PRDM11: variants seen among roughly 807,000 people sequenced by gnomAD.
PRDM11 encodes PR domain-containing protein 11.
In PRDM11, 20 loss-of-function variants were observed where a neutral mutation model predicts 97.8. The ratio of observed to expected loss-of-function variants is 0.20; its 90% CI spans 0.14 to 0.30. The LOEUF (loss-of-function observed/expected upper bound fraction) is 0.30, where lower values mean the gene tolerates loss of function less well. Ranked by LOEUF, PRDM11 falls within the 10% of genes least tolerant of loss-of-function variation. The probability of loss-of-function intolerance (pLI) is 1.00; values close to 1 mark genes in which losing one functional copy is unlikely to be tolerated. For synonymous variants in PRDM11, 599 were observed against 637.7 expected (o/e 0.94, Z 0.91); for missense variants, 1,139 against 1,555.2 (o/e 0.73, Z 4.50).
At chr11:45,217,811 C>T (rs1222930097) in intron 5 of PRDM11, among the ~76,000 whole-genome samples, 1 of 152,160 alleles carries the variant, frequency 6.6e-6, no homozygotes, top group East Asian at 1.9e-4. Context: ...AATTGGCATT[C>T]GTATATTTCT....
At chr11:45,110,275 G>A (rs1852144364) in intron 1 of PRDM11, among the ~76,000 whole-genome samples, 1 of 151,922 alleles carries the variant, frequency 6.6e-6, no homozygotes, top group African/African-American at 2.4e-5. Flanking sequence ...CTAAGCTTCG[G>A]AGCCAGAAAA....
chr11:45,130,926 C>T (rs1034868584), intron 1 of PRDM11, among the ~76,000 whole-genome samples: 3 of 152,022 alleles, frequency 2.0e-5, no homozygotes, highest in South Asian at 2.1e-4. Context: ...CATTAGAGTA[C>T]ACATGTCCAT....
At position 45,204,692 on chromosome 11, in the gene PRDM11, C is replaced by T. The variant is rs1291562103; in HGVS notation, c.487-19C>T. The T allele has an allele frequency of 6.2e-7, 1 of 1,604,940 alleles. No individual in the cohort carries two copies. Among genetic ancestry groups the T allele is most frequent in the Admixed American group, 1.7e-5 (1 of 60,018 alleles). On this transcript the variant is annotated intron_variant, in intron 4 of 7. Coordinates refer to ENST00000683152, the MANE Select transcript of PRDM11 (RefSeq NM_001384648.1). ...CCCCTCTAGAATGGCCCATCCTAGA[C>T]TCTTTCTCTTTCTTCCAGATTGTGG...
At chr11:45,097,206 T>G (rs1412097171) in intron 1 of PRDM11, among the ~76,000 whole-genome samples, 1 of 152,184 alleles carries the variant, frequency 6.6e-6, no homozygotes, top group Non-Finnish European at 1.5e-5. Context: ...GTTTGAAGAT[T>G]CCCCTGCTCT....
chr11:45,126,188 G>C (rs920252255), intron 1 of PRDM11, among the ~76,000 whole-genome samples: 1 of 151,966 alleles, frequency 6.6e-6, no homozygotes, highest in Admixed American at 6.6e-5. Flanking sequence ...CCATTTGCTT[G>C]GTAGATCTTC....
chr11:45,101,567 A>AAAAAAAAAGAAGAAGAAG (rs767802218), intron 1 of PRDM11, among the ~76,000 whole-genome samples: 11 of 96,832 alleles, frequency 1.1e-4, no homozygotes, highest in Non-Finnish European at 1.7e-4. Flanking sequence ...AAAAAAAAAA[A>AAAAAAAAAGAAGAAGAAG]AAGAAGAAGA....
chr11:45,187,775 G>A (rs1274102557), intron 4 of PRDM11, among the ~76,000 whole-genome samples: 1 of 151,172 alleles, frequency 6.6e-6, no homozygotes. Flanking sequence ...GCCACCAGAT[G>A]CTTAAAGTGG....
At chr11:45,135,162 A>T (rs1852814678) in intron 1 of PRDM11, among the ~76,000 whole-genome samples, 1 of 152,010 alleles carries the variant, frequency 6.6e-6, no homozygotes, top group Non-Finnish European at 1.5e-5. Context: ...CTACTAAAAT[A>T]GGAATAAAAG....
At chr11:45,118,793 A>G (rs1401857636) in intron 1 of PRDM11, among the ~76,000 whole-genome samples, 2 of 152,256 alleles carry the variant, frequency 1.3e-5, no homozygotes, top group Non-Finnish European at 2.9e-5. Context: ...AATCAGCAAT[A>G]AGACATGAAT....
chr11:45,210,916 C>A (rs991568452), intron 5 of PRDM11, among the ~76,000 whole-genome samples: 13 of 152,154 alleles, frequency 8.5e-5, no homozygotes, highest in African/African-American at 3.1e-4. Flanking sequence ...AAAGCCTGTT[C>A]CCTGCATCCT....
chr11:45,175,123 A>G (rs954641984), intron 1 of PRDM11, among the ~76,000 whole-genome samples: 4 of 152,266 alleles, frequency 2.6e-5, no homozygotes, highest in African/African-American at 7.2e-5. Context: ...CAATTGATCA[A>G]CCTCCATTGA....
intron 1 of PRDM11, among the ~76,000 whole-genome samples, chr11:45,163,707 T>C (rs1851989023): frequency 6.6e-6 from 1 of 152,258 alleles, no homozygotes; most frequent in Non-Finnish European, 1.5e-5. Flanking sequence ...TGCACCACCC[T>C]GTAAAGTGAG....
intron 6 of PRDM11, among the ~76,000 whole-genome samples, chr11:45,222,547 G>T (rs1047786851): frequency 6.6e-6 from 1 of 152,196 alleles, no homozygotes; most frequent in Non-Finnish European, 1.5e-5. Context: ...TGATATAGAA[G>T]TGCAGGCTGT....
At chr11:45,169,909 C>T (rs996589520) in intron 1 of PRDM11, among the ~76,000 whole-genome samples, 1 of 152,170 alleles carries the variant, frequency 6.6e-6, no homozygotes, top group African/African-American at 2.4e-5. Flanking sequence ...CTATCTTGCA[C>T]CAGGCACTGC....
chr11:45,134,865 T>G (rs1302932438), intron 1 of PRDM11, among the ~76,000 whole-genome samples: 1 of 152,136 alleles, frequency 6.6e-6, no homozygotes, highest in Non-Finnish European at 1.5e-5. Flanking sequence ...ACTTAATAAT[T>G]ATCAAATCCT....
chr11:45,124,743 G>A (rs1179315002), intron 1 of PRDM11, among the ~76,000 whole-genome samples: 1 of 152,196 alleles, frequency 6.6e-6, no homozygotes, highest in Non-Finnish European at 1.5e-5. Context: ...CAGTTTGCCA[G>A]TATTTTATTG....
chr11:45,163,302 A>G (rs1851975438), intron 1 of PRDM11, among the ~76,000 whole-genome samples: 1 of 152,206 alleles, frequency 6.6e-6, no homozygotes, highest in African/African-American at 2.4e-5. Flanking sequence ...ATTTAAATGC[A>G]CACATTTTTC....
intron 1 of PRDM11, among the ~76,000 whole-genome samples, chr11:45,177,838 T>C (rs1301450510): frequency 1.3e-5 from 2 of 152,160 alleles, no homozygotes; most frequent in East Asian, 3.8e-4. Flanking sequence ...TACAACAGAT[T>C]CCCGGCATAA....
At chr11:45,120,544 G>C (rs746923122) in intron 1 of PRDM11, among the ~76,000 whole-genome samples, 16 of 151,954 alleles carry the variant, frequency 1.1e-4, no homozygotes, top group Non-Finnish European at 1.9e-4. Flanking sequence ...AGAATCTATG[G>C]AAGCTAGAAA....
Sources: allele counts gnomAD v4.1 joint callset (sites outside exome capture counted in the v4.1 genomes callset), GRCh38; gene constraint gnomAD v4.1.1; transcripts MANE v1.5; gene names NCBI Gene and HGNC (gene_info 2026-07-23, HGNC 2026-07-21).